MAMLD1: variants seen among roughly 807,000 people sequenced by gnomAD.
MAMLD1 encodes the protein mastermind like domain containing 1, also known as mastermind-like domain-containing protein 1.
MAMLD1 carries 14 observed loss-of-function variants against 45.0 expected under a neutral mutation model. The observed-to-expected ratio is 0.31, with a 90% confidence interval of 0.21 to 0.49. The LOEUF (loss-of-function observed/expected upper bound fraction) is 0.49. Ranked by LOEUF, MAMLD1 falls within the 20% of genes least tolerant of loss-of-function variation. The pLI, the probability that MAMLD1 is intolerant of heterozygous loss-of-function variation, is 0.99. For synonymous variants in MAMLD1, 254 were observed against 247.8 expected (o/e 1.02, Z -0.24); for missense variants, 543 against 603.6 (o/e 0.90, Z 1.05).
At chrX:150,397,032 A>G (rs931581555) in intron 1 of MAMLD1, among the ~76,000 whole-genome samples, 1 of 112,093 alleles carries the variant, frequency 8.9e-6, no homozygotes, top group African/African-American at 3.2e-5. Flanking sequence ...AAAATTTACT[A>G]TCTTAATCAT....
intron 1 of MAMLD1, among the ~76,000 whole-genome samples, chrX:150,425,553 G>C (rs1048785037): frequency 7.1e-5 from 8 of 112,039 alleles, no homozygotes; most frequent in Non-Finnish European, 1.1e-4. Context: ...TTGTGCTCCA[G>C]CACACCAAGT....
chrX:150,459,140 C>G (rs1357583630), intron 2 of MAMLD1, among the ~76,000 whole-genome samples: 1 of 111,483 alleles, frequency 9.0e-6, no homozygotes, highest in Non-Finnish European at 1.9e-5. Flanking sequence ...TTTATCATGC[C>G]AGGAAAGGAG....
At chrX:150,378,441 G>A (rs782402881) in intron 1 of MAMLD1, among the ~76,000 whole-genome samples, 3 of 111,854 alleles carry the variant, frequency 2.7e-5, no homozygotes, top group South Asian at 7.5e-4. Context: ...ATTTCTTCCC[G>A]TTGCAATTAA....
intron 1 of MAMLD1, among the ~76,000 whole-genome samples, chrX:150,421,607 C>A (rs1299838888): frequency 8.9e-6 from 1 of 112,392 alleles, no homozygotes; most frequent in Non-Finnish European, 1.9e-5. Context: ...GAGACAGAGG[C>A]TAGACATGTA....
intron 2 of MAMLD1, among the ~76,000 whole-genome samples, chrX:150,455,302 T>C (rs1261669857): frequency 8.9e-6 from 1 of 112,008 alleles, no homozygotes; most frequent in East Asian, 2.8e-4. Context: ...TTCCTTTCAG[T>C]GACAAATTTT....
At chrX:150,501,116 T>TG (rs1762528404) in intron 5 of MAMLD1, among the ~76,000 whole-genome samples, 1 of 111,895 alleles carries the variant, frequency 8.9e-6, no homozygotes. Flanking sequence ...GTTATGCTGA[T>TG]GGGGGGTCCT....
At chrX:150,477,873 T>C (rs2036629020) in intron 5 of MAMLD1, among the ~76,000 whole-genome samples, 1 of 111,211 alleles carries the variant, frequency 9.0e-6, no homozygotes, top group South Asian at 3.8e-4. Flanking sequence ...ACAGTGACAA[T>C]GAACAGGGCG....
At chrX:150,506,523 A>G (rs1297710242) in intron 6 of MAMLD1, among the ~76,000 whole-genome samples, 1 of 111,369 alleles carries the variant, frequency 9.0e-6, no homozygotes, top group Admixed American at 9.5e-5. Flanking sequence ...CTCTCCTCCA[A>G]GGGCTCATAG....
intron 1 of MAMLD1, among the ~76,000 whole-genome samples, chrX:150,444,535 G>A (rs782141059): frequency 3.0e-4 from 33 of 111,397 alleles, no homozygotes; most frequent in South Asian, 1.1e-3. Context: ...ACCTTTTAAT[G>A]TCTTATTATG....
intron 1 of MAMLD1, among the ~76,000 whole-genome samples, chrX:150,378,255 T>C (rs782179172): frequency 8.9e-6 from 1 of 111,987 alleles, no homozygotes; most frequent in Non-Finnish European, 1.9e-5. Flanking sequence ...TGTTTCCTCA[T>C]AGTTAGATCA....
At chrX:150,438,708 G>A (rs910477421) in intron 1 of MAMLD1, among the ~76,000 whole-genome samples, 1 of 112,335 alleles carries the variant, frequency 8.9e-6, no homozygotes, top group African/African-American at 3.2e-5. Context: ...CTTTATGGCT[G>A]AATAATATTC....
chrX:150,452,991 G>A (rs1378784504), intron 2 of MAMLD1, among the ~76,000 whole-genome samples: 4 of 110,977 alleles, frequency 3.6e-5, no homozygotes, highest in African/African-American at 1.3e-4. Context: ...GGGACTGCTG[G>A]ATCACTTGCA....
At chrX:150,511,585 G>GCCCAC (rs2037900685) in intron 7 of MAMLD1, among the ~76,000 whole-genome samples, 1 of 112,030 alleles carries the variant, frequency 8.9e-6, no homozygotes. Context: ...CACCAGCCCA[G>GCCCAC]CCCACCCCAC....
At chrX:150,409,427 C>T (rs2124532928) in intron 1 of MAMLD1, among the ~76,000 whole-genome samples, 1 of 110,676 alleles carries the variant, frequency 9.0e-6, no homozygotes, top group African/African-American at 3.3e-5. Flanking sequence ...CGATTGGAGG[C>T]CCGCCCATCT....
intron 5 of MAMLD1, among the ~76,000 whole-genome samples, chrX:150,497,417 G>A (rs1300864894): frequency 9.3e-6 from 1 of 107,730 alleles, no homozygotes; most frequent in Non-Finnish European, 1.9e-5. Flanking sequence ...CCAAGTAGCT[G>A]GGACTACAGG....
At chrX:150,370,833 G>A (rs782644915) in intron 1 of MAMLD1, among the ~76,000 whole-genome samples, 45 of 111,959 alleles carry the variant, frequency 4.0e-4, no homozygotes, top group South Asian at 2.2e-3. Flanking sequence ...TATTCCCCCC[G>A]GGGGAGGGAA....
At chrX:150,457,022 G>A (rs1366713999) in intron 2 of MAMLD1, among the ~76,000 whole-genome samples, 1 of 112,918 alleles carries the variant, frequency 8.9e-6, no homozygotes, top group Non-Finnish European at 1.9e-5. Flanking sequence ...CCCAAACTCT[G>A]CCATAGGACA....
intron 5 of MAMLD1, among the ~76,000 whole-genome samples, chrX:150,477,446 A>C (rs1483369645): frequency 8.9e-6 from 1 of 111,733 alleles, no homozygotes; most frequent in Non-Finnish European, 1.9e-5. Context: ...ACTTGGAGAG[A>C]AAGGGCAGGG....
chrX:150,397,507 T>A (rs1417808948), intron 1 of MAMLD1, among the ~76,000 whole-genome samples: 2 of 111,784 alleles, frequency 1.8e-5, no homozygotes, highest in African/African-American at 6.5e-5. Context: ...CTATTGTGTA[T>A]TCCCCTTTCA....
Sources: allele counts gnomAD v4.1 joint callset (sites outside exome capture counted in the v4.1 genomes callset), GRCh38; gene constraint gnomAD v4.1.1; transcripts MANE v1.5; gene names NCBI Gene and HGNC (gene_info 2026-07-23, HGNC 2026-07-21).